The following SOX6 variants were observed in gnomAD, a reference collection of about 807,000 sequenced individuals.
The protein encoded by SOX6 is transcription factor SOX-6.
In SOX6, 11 loss-of-function variants were observed where a neutral mutation model predicts 97.8. That is an observed-to-expected ratio of 0.11 (90% CI 0.07 to 0.19). SOX6 has a LOEUF of 0.19. Among genes scored for constraint, SOX6 ranks in the 10% least tolerant of loss-of-function variants. SOX6 has a pLI of 1.00. For synonymous variants in SOX6, 360 were observed against 371.4 expected, an observed-to-expected ratio of 0.97 and a Z score of 0.35; for missense variants, 810 against 1,039.5, an observed-to-expected ratio of 0.78 and a Z score of 3.04.
intron 4 of SOX6, among the ~76,000 whole-genome samples, chr11:16,518,045 T>G (rs748502873): frequency 1.3e-5 from 2 of 152,160 alleles, no homozygotes; most frequent in Non-Finnish European, 1.5e-5. Flanking sequence ...TTATCTTCCT[T>G]AAATATAAAT....
intron 9 of SOX6, among the ~76,000 whole-genome samples, chr11:16,093,603 G>A (rs993591942): frequency 2.0e-5 from 3 of 151,852 alleles, no homozygotes; most frequent in African/African-American, 7.3e-5. Flanking sequence ...ATGCAGTGGG[G>A]TGGGGGAGTA....
chr11:16,144,505 A>C (rs192547136), intron 6 of SOX6, among the ~76,000 whole-genome samples: 8 of 152,352 alleles, frequency 5.3e-5, no homozygotes, highest in Non-Finnish European at 8.8e-5. Flanking sequence ...AGATCAGAGC[A>C]GAACTGAAAG....
At chr11:16,222,074 C>T (rs1852554520) in intron 4 of SOX6, among the ~76,000 whole-genome samples, 1 of 151,948 alleles carries the variant, frequency 6.6e-6, no homozygotes, top group African/African-American at 2.4e-5. Flanking sequence ...GGTCAGATTG[C>T]CTTCATACAC....
In SOX6 at chr11:16,049,881, C is replaced by T. The variant is rs373961812; in HGVS notation, c.1309G>A (p.Val437Ile). 1.9e-6 allele frequency: 3 copies of T among 1,613,536 alleles called. No homozygotes were observed. The highest frequency in any genetic ancestry group is 2.5e-6 in the Non-Finnish European group (3 of 1,179,766). Residue 437 changes from valine (V) to isoleucine (I), a missense_variant, in exon 11 of 16, where the codon GTA becomes ATA. Physicochemically the swap from Val to Ile is conservative, Grantham distance 29 (BLOSUM62 3). Coordinates refer to ENST00000683767, the MANE Select transcript of SOX6 (RefSeq NM_001367873.1). Reference sequence around the variant, plus strand: ...TGGGTGGGAGACGTTGGGGACTTTACAGGCTCTGCTGTCTTGGGTCGGGAT... The same window carrying T: ...TGGGTGGGAGACGTTGGGGACTTTATAGGCTCTGCTGTCTTGGGTCGGGAT... The part of the protein sequence containing the change: ...LSSRPKTAEP[V>I]KSPTSPTQNL...
intron 3 of SOX6, among the ~76,000 whole-genome samples, chr11:16,275,885 A>T (rs1409123540): frequency 6.6e-6 from 1 of 152,204 alleles, no homozygotes; most frequent in Non-Finnish European, 1.5e-5. Flanking sequence ...AAATAGATTC[A>T]TATTGTAATA....
chr11:16,043,671 T>G (rs79054514), intron 12 of SOX6, among the ~76,000 whole-genome samples: 7,598 of 152,240 alleles, frequency 0.05, 627 homozygotes, highest in African/African-American at 0.17. Context: ...AAGACTGTCT[T>G]GTACACATCT....
At chr11:16,309,309 G>C (rs949650560) in intron 3 of SOX6, among the ~76,000 whole-genome samples, 2 of 152,146 alleles carry the variant, frequency 1.3e-5, no homozygotes, top group Non-Finnish European at 2.9e-5. Context: ...CTGCTATATA[G>C]CATAGCATGG....
At chr11:16,588,118 A>T (rs924888787) in intron 4 of SOX6, among the ~76,000 whole-genome samples, 3 of 152,230 alleles carry the variant, frequency 2.0e-5, no homozygotes, top group Non-Finnish European at 4.4e-5. Flanking sequence ...TCATGAGTCT[A>T]CTAGCATGAA....
At chr11:16,181,779 A>T (rs1380757840) in intron 6 of SOX6, among the ~76,000 whole-genome samples, 2 of 151,668 alleles carry the variant, frequency 1.3e-5, no homozygotes, top group Admixed American at 6.6e-5. Flanking sequence ...GCTTTCTCTT[A>T]TTTTTTAAAA....
intron 1 of SOX6, among the ~76,000 whole-genome samples, chr11:16,349,517 G>C (rs1244997989): frequency 6.6e-6 from 1 of 152,104 alleles, no homozygotes; most frequent in Admixed American, 6.6e-5. Flanking sequence ...GCAGGAAGTT[G>C]AGGCAGGAGA....
chr11:16,601,383 C>T (rs1427299595), intron 4 of SOX6, among the ~76,000 whole-genome samples: 2 of 152,120 alleles, frequency 1.3e-5, no homozygotes, highest in African/African-American at 4.8e-5. Context: ...GAATGTTTCA[C>T]TTGACTTGAA....
At chr11:16,460,688 G>A (rs1289890662) in intron 1 of SOX6, among the ~76,000 whole-genome samples, 3 of 152,016 alleles carry the variant, frequency 2.0e-5, no homozygotes, top group Non-Finnish European at 2.9e-5. Context: ...ACAGAATGTG[G>A]CAATATAACC....
At position 16,081,631 on chromosome 11, in the gene SOX6, T is replaced by C. The variant is rs116050790; in HGVS notation, c.1101+14365A>G. On this transcript the variant is annotated intron_variant, in intron 9 of 15. Transcript: ENST00000683767. ...TTGAAGGAATAATCTTATGTTTTTATGCCTGTTGTGGGTCAGAGGTTCAAA... is the reference window on the plus strand; with the variant it reads ...TTGAAGGAATAATCTTATGTTTTTACGCCTGTTGTGGGTCAGAGGTTCAAA... Among the ~76,000 whole-genome samples, 841 of 152,302 alleles carry C rather than the reference T, an allele frequency of 5.5e-3. 12 individuals are homozygous for C. Among genetic ancestry groups the C allele is most frequent in the African/African-American group, 0.019 (777 of 41,570 alleles).
chr11:15,980,766 T>A (rs575656060), intron 15 of SOX6, among the ~76,000 whole-genome samples: 16 of 152,186 alleles, frequency 1.1e-4, no homozygotes, highest in Middle Eastern at 3.4e-3. Context: ...TGCTTGGCCA[T>A]AATGCATAAT....
intron 4 of SOX6, among the ~76,000 whole-genome samples, chr11:16,217,845 C>G (rs1007894491): frequency 5.3e-5 from 8 of 152,050 alleles, no homozygotes; most frequent in Non-Finnish European, 8.8e-5. Context: ...CATTGCATTC[C>G]CATGATTGAC....
rs1026076422 is a variant in SOX6, at chr11:16,000,121, T to A, written c.1733-10891A>T. Among the ~76,000 whole-genome samples the A allele has an allele frequency of 2.6e-5, 4 of 152,288 alleles. No individual in the cohort carries two copies. The East Asian group carries it at 7.7e-4, about 29-fold the overall frequency. ...TGGAAACCTACTGCTAACTTCTCAT[T>A]CCTGTTCTGCCAGAATGTGAACTTA... On this transcript the variant is annotated intron_variant, in intron 13 of 15. Transcript: ENST00000683767.
intron 4 of SOX6, among the ~76,000 whole-genome samples, chr11:16,498,941 G>C (rs921089851): frequency 6.6e-6 from 1 of 152,154 alleles, no homozygotes; most frequent in East Asian, 1.9e-4. Flanking sequence ...ATTGAACTCA[G>C]CTCTGCACCA....
At chr11:16,640,961 T>G in intron 3 of SOX6, among the ~76,000 whole-genome samples, 1 of 152,196 alleles carries the variant, frequency 6.6e-6, no homozygotes, top group East Asian at 1.9e-4. Context: ...GCTTTTGAAT[T>G]TGTTTGTTCT....
chr11:16,440,274 A>G (rs1859478514), intron 1 of SOX6, among the ~76,000 whole-genome samples: 1 of 152,210 alleles, frequency 6.6e-6, no homozygotes, highest in African/African-American at 2.4e-5. Flanking sequence ...GAATAATTAG[A>G]ACATGTCAGG....
Sources: gnomAD v4.1 joint callset for allele counts (sites outside exome capture counted in the v4.1 genomes callset) on GRCh38, gnomAD v4.1.1 for gene constraint, MANE v1.5 for transcripts, NCBI Gene and HGNC (gene_info 2026-07-23, HGNC 2026-07-21) for gene names.